The following PDGFD variants were observed in gnomAD, a reference collection of about 807,000 sequenced individuals.
PDGFD encodes platelet derived growth factor D.
A neutral mutation model predicts 44.7 loss-of-function variants in PDGFD; 30 were observed. The ratio of observed to expected loss-of-function variants is 0.67; its 90% CI spans 0.50 to 0.91. The LOEUF (loss-of-function observed/expected upper bound fraction) is 0.91, where lower values mean the gene tolerates loss of function less well. Ranked by LOEUF, PDGFD falls within the 40% of genes least tolerant of loss-of-function variation. The pLI is 0.00. For missense variants in PDGFD, 445 were observed against 457.8 expected, an observed-to-expected ratio of 0.97 and a Z score of 0.25; for synonymous variants, 173 against 168.4, an observed-to-expected ratio of 1.03 and a Z score of -0.21.
intron 1 of PDGFD, among the ~76,000 whole-genome samples, chr11:104,116,068 T>G (rs1050177945): frequency 5.9e-5 from 9 of 152,112 alleles, no homozygotes; most frequent in African/African-American, 2.2e-4. Context: ...TTGTTTTTAT[T>G]GCAATTGCTT....
At chr11:104,013,375 G>A (rs260845) in intron 1 of PDGFD, among the ~76,000 whole-genome samples, 107,134 of 151,942 alleles carry the variant, frequency 0.71, 37,875 homozygotes, top group Admixed American at 0.77. Context: ...GCTGGTTAAC[G>A]CTTAGCCATC....
intron 1 of PDGFD, among the ~76,000 whole-genome samples, chr11:104,157,727 T>G (rs991288279): frequency 6.6e-6 from 1 of 152,196 alleles, no homozygotes; most frequent in Non-Finnish European, 1.5e-5. Context: ...ATATATACAA[T>G]ATGATTACTA....
intron 1 of PDGFD, among the ~76,000 whole-genome samples, chr11:104,027,717 A>T (rs991372243): frequency 6.6e-6 from 1 of 152,232 alleles, no homozygotes; most frequent in African/African-American, 2.4e-5. Context: ...CTGCAGATAT[A>T]GAATACTGTC....
intron 3 of PDGFD, among the ~76,000 whole-genome samples, chr11:103,988,055 T>G (rs1423143140): frequency 6.6e-6 from 1 of 152,178 alleles, no homozygotes; most frequent in Non-Finnish European, 1.5e-5. Context: ...TGGAGACATT[T>G]TTTTAATACC....
chr11:104,146,323 G>A (rs1300407723), intron 1 of PDGFD, among the ~76,000 whole-genome samples: 3 of 152,176 alleles, frequency 2.0e-5, no homozygotes, highest in African/African-American at 7.2e-5. Context: ...GAAAAGAAGT[G>A]TGTTCCAGGG....
At chr11:103,911,226 A>T (rs1040031176) in intron 6 of PDGFD, among the ~76,000 whole-genome samples, 4 of 152,122 alleles carry the variant, frequency 2.6e-5, no homozygotes, top group Admixed American at 1.3e-4. Context: ...ACAGCATTTG[A>T]GCTCTGATAA....
At chr11:103,974,535 C>T (rs1591102379) in intron 3 of PDGFD, among the ~76,000 whole-genome samples, 2 of 152,042 alleles carry the variant, frequency 1.3e-5, no homozygotes, top group East Asian at 1.9e-4. Context: ...TAGGTATACA[C>T]GTGCCATGGT....
intron 1 of PDGFD, among the ~76,000 whole-genome samples, chr11:104,114,438 G>A (rs370407776): frequency 5.9e-5 from 9 of 151,904 alleles, no homozygotes; most frequent in South Asian, 2.1e-4. Context: ...TCTCTATTCC[G>A]TTCCACTGAT....
chr11:103,948,017 C>G (rs1378170601), intron 3 of PDGFD, among the ~76,000 whole-genome samples: 1 of 152,168 alleles, frequency 6.6e-6, no homozygotes, highest in Non-Finnish European at 1.5e-5. Context: ...CAACTGACAA[C>G]CCCTCCAGTC....
At chr11:104,104,015 T>C (rs1397110798) in intron 1 of PDGFD, among the ~76,000 whole-genome samples, 1 of 152,020 alleles carries the variant, frequency 6.6e-6, no homozygotes, top group Non-Finnish European at 1.5e-5. Flanking sequence ...TGCAACAAGA[T>C]GCAGAGGTGG....
intron 1 of PDGFD, among the ~76,000 whole-genome samples, chr11:104,130,232 T>A (rs1466652072): frequency 6.6e-6 from 1 of 151,858 alleles, no homozygotes. Flanking sequence ...TCATTTGTAA[T>A]CCCCCCCTTT....
chr11:104,158,765 G>A (rs1862346272), intron 1 of PDGFD, among the ~76,000 whole-genome samples: 1 of 151,968 alleles, frequency 6.6e-6, no homozygotes, highest in Non-Finnish European at 1.5e-5. Flanking sequence ...CCGGGAGGTG[G>A]AGCTTTCAGT....
intron 3 of PDGFD, among the ~76,000 whole-genome samples, chr11:103,972,959 T>C (rs1478599281): frequency 2.6e-5 from 4 of 152,134 alleles, no homozygotes; most frequent in Non-Finnish European, 5.9e-5. Context: ...TCAATACATA[T>C]ACTGTGAGTG....
intron 1 of PDGFD, among the ~76,000 whole-genome samples, chr11:104,028,191 GAAA>G (rs36060540): frequency 3.2e-4 from 37 of 116,132 alleles, no homozygotes; most frequent in Admixed American, 4.6e-4. Flanking sequence ...CTCCGTCAAA[GAAA>G]AAAAAAAAAA....
chr11:104,134,609 C>G (rs966534250), intron 1 of PDGFD, among the ~76,000 whole-genome samples: 6 of 152,190 alleles, frequency 3.9e-5, no homozygotes, highest in Non-Finnish European at 7.3e-5. Flanking sequence ...TTAAGCACTT[C>G]CAATGTGTCA....
intron 5 of PDGFD, among the ~76,000 whole-genome samples, chr11:103,941,178 C>A (rs1286136794): frequency 6.6e-6 from 1 of 151,972 alleles, no homozygotes; most frequent in Non-Finnish European, 1.5e-5. Context: ...CCAGTCTCAC[C>A]CCATTGAGAT....
At chr11:103,965,305 G>A (rs1294670311) in intron 3 of PDGFD, among the ~76,000 whole-genome samples, 1 of 152,058 alleles carries the variant, frequency 6.6e-6, no homozygotes, top group Non-Finnish European at 1.5e-5. Context: ...TTACATAATG[G>A]ATTCATTTAG....
At chr11:104,027,206 T>C (rs1591126951) in intron 1 of PDGFD, among the ~76,000 whole-genome samples, 1 of 152,224 alleles carries the variant, frequency 6.6e-6, no homozygotes, top group Admixed American at 6.5e-5. Context: ...GAAACAGATT[T>C]GGTGATCAAG....
intron 1 of PDGFD, chr11:104,037,479 G>C (rs1565317330): frequency 1.2e-6 from 2 of 1,614,122 alleles, no homozygotes; most frequent in Admixed American, 3.3e-5. Context: ...AGGAAATCCG[G>C]CAGCAAAACA....
Sources: allele counts gnomAD v4.1 joint callset (sites outside exome capture counted in the v4.1 genomes callset), GRCh38; gene constraint gnomAD v4.1.1; transcripts MANE v1.5; gene names NCBI Gene and HGNC (gene_info 2026-07-23, HGNC 2026-07-21).